CLSTN1: variants seen among roughly 807,000 people sequenced by gnomAD.
CLSTN1 encodes calsyntenin 1.
CLSTN1 carries 28 observed loss-of-function variants against 108.3 expected under a neutral mutation model. That is an observed-to-expected ratio of 0.26 (90% CI 0.19 to 0.35). The LOEUF (loss-of-function observed/expected upper bound fraction) is 0.35. Ranked by LOEUF, CLSTN1 falls within the 10% of genes least tolerant of loss-of-function variation. The pLI is 1.00. For synonymous variants in CLSTN1, 524 were observed against 534.9 expected, an observed-to-expected ratio of 0.98 and a Z score of 0.28; for missense variants, 1,157 against 1,302.6, an observed-to-expected ratio of 0.89 and a Z score of 1.72.
chr1:9,757,463 G>C (rs576183620), intron 2 of CLSTN1, among the ~76,000 whole-genome samples: 1 of 151,664 alleles, frequency 6.6e-6, no homozygotes, highest in African/African-American at 2.4e-5. Flanking sequence ...GGATGGTCTC[G>C]ATCTCCTGAC....
chr1:9,761,682 T>C (rs1382201696), intron 2 of CLSTN1, among the ~76,000 whole-genome samples: 2 of 152,164 alleles, frequency 1.3e-5, no homozygotes, highest in Non-Finnish European at 2.9e-5. Flanking sequence ...ACCCCAGCTT[T>C]AGGCTGGCCC....
At chr1:9,789,234 G>C (rs1340791802) in intron 1 of CLSTN1, among the ~76,000 whole-genome samples, 1 of 151,268 alleles carries the variant, frequency 6.6e-6, no homozygotes, top group African/African-American at 2.4e-5. Flanking sequence ...TAGGGTGATT[G>C]TATCTTTGTG....
At chr1:9,763,276 T>C (rs1286129064) in intron 2 of CLSTN1, among the ~76,000 whole-genome samples, 1 of 152,172 alleles carries the variant, frequency 6.6e-6, no homozygotes, top group Non-Finnish European at 1.5e-5. Flanking sequence ...ATACCTTAAA[T>C]ATATGTAACA....
rs548435175 is a variant in CLSTN1 at position 9,796,857 on chromosome 1, C to T, written c.92-23463G>A. 5.3e-5 allele frequency among the ~76,000 whole-genome samples: 8 copies of T among 152,212 alleles called. No homozygotes were observed. The South Asian group carries it at 1.0e-3, about 20-fold the overall frequency. ...CATTACATCAAATTTGAAAATAACA[C>T]GAAGCCAGAATGAACAGATGGAATG... is the stretch of plus-strand genomic sequence containing the variant. On this transcript the variant is annotated intron_variant, in intron 1 of 18. Transcript: ENST00000377298.
chr1:9,751,998 A>G (rs994677532), intron 4 of CLSTN1, among the ~76,000 whole-genome samples: 1 of 152,172 alleles, frequency 6.6e-6, no homozygotes, highest in Non-Finnish European at 1.5e-5. Flanking sequence ...GGGACAAGAC[A>G]GGCAGAAGGG....
At chr1:9,763,018 G>A (rs562847530) in intron 2 of CLSTN1, among the ~76,000 whole-genome samples, 1 of 152,174 alleles carries the variant, frequency 6.6e-6, no homozygotes, top group African/African-American at 2.4e-5. Context: ...CTGGAGTGCA[G>A]TGGCACAACC....
At chr1:9,815,828 C>T (rs1275305593) in intron 1 of CLSTN1, among the ~76,000 whole-genome samples, 8 of 152,038 alleles carry the variant, frequency 5.3e-5, no homozygotes, top group African/African-American at 9.7e-5. Flanking sequence ...CCCAGCTACT[C>T]GGGAGGCTGA....
intron 9 of CLSTN1, 115 bp downstream of exon 9, chr1:9,743,769 G>A: frequency 2.6e-6 from 3 of 1,156,520 alleles, no homozygotes; most frequent in South Asian, 2.9e-5. Context: ...TGTTGCCCAG[G>A]CTGGTCTCGA....
chr1:9,751,970 GT>G (rs911827044), intron 4 of CLSTN1, among the ~76,000 whole-genome samples: 2 of 150,900 alleles, frequency 1.3e-5, no homozygotes, highest in Non-Finnish European at 3.0e-5. Flanking sequence ...AGACTTGGGT[GT>G]TTTTTTTTGA....
At chr1:9,792,063 C>A (rs1653793540) in intron 1 of CLSTN1, among the ~76,000 whole-genome samples, 1 of 150,804 alleles carries the variant, frequency 6.6e-6, no homozygotes, top group Non-Finnish European at 1.5e-5. Context: ...GCAGGAGAAT[C>A]ATTTGCTACT....
chr1:9,821,712 T>C (rs1655197755), intron 1 of CLSTN1, among the ~76,000 whole-genome samples: 1 of 152,230 alleles, frequency 6.6e-6, no homozygotes, highest in Admixed American at 6.5e-5. Flanking sequence ...TGAAATTCAC[T>C]TGTAATATTT....
rs200033935 is a variant in CLSTN1 at position 9,735,142 on chromosome 1, G to C, written c.1916C>G (p.Pro639Arg). ...AACCATCACGTAGCCATCTACCGGG[G>C]GGACCGAAATGCAGGTGGCCTCGTT... ...CFNEATCISV[P>R]PVDGYVMVLQ... Residue 639 changes from proline (P) to arginine (R), a missense_variant, in exon 14 of 19, where the codon CCC becomes CGC. Transcript: ENST00000377298. 1 of 1,614,218 alleles carries C rather than the reference G, an allele frequency of 6.2e-7. No homozygotes were observed. Among genetic ancestry groups the C allele is most frequent in the East Asian group, 2.2e-5 (1 of 44,880 alleles).
Position 9,730,432 on chromosome 1 carries a change from G to A in CLSTN1, c.*76C>T, listed in dbSNP as rs117948097. On this transcript the variant is annotated 3_prime_UTR_variant, in exon 19 of 19. Coordinates refer to ENST00000377298, the MANE Select transcript of CLSTN1 (RefSeq NM_001009566.3). The surrounding 1 kb of genome is among the most constrained non-coding windows in gnomAD (Gnocchi z 5.6). ...ACTGGCCGAAATGACTTTGTACATC[G>A]TGGACCCTTGGGACTGGGAGAACGG... is the stretch of plus-strand genomic sequence containing the variant. 357 of 1,387,082 alleles carry A rather than the reference G, an allele frequency of 2.6e-4. No homozygotes were observed. Among genetic ancestry groups the A allele is most frequent in the East Asian group, 1.1e-3 (50 of 43,800 alleles). 85.9% of individuals were successfully genotyped at this position (1,387,082 alleles called of 1,614,324 possible).
Position 9,792,877 on chromosome 1 carries a change from G to C in CLSTN1, c.92-19483C>G, listed in dbSNP as rs1166163851. On this transcript the variant is annotated intron_variant, in intron 1 of 18. Coordinates refer to ENST00000377298, the MANE Select transcript of CLSTN1 (RefSeq NM_001009566.3). Reference sequence around the variant, plus strand: ...GTGAATGTTGAGTAGTCCTATTCCAGAGCTAAGTTTTGTGAAACGGAGTGA... The same window carrying C: ...GTGAATGTTGAGTAGTCCTATTCCACAGCTAAGTTTTGTGAAACGGAGTGA... Among the ~76,000 whole-genome samples the C allele has an allele frequency of 2.6e-5, 4 of 151,370 alleles. No individual in the cohort carries two copies. In the Admixed American group the frequency reaches 2.7e-4, roughly 10 times the overall value.
At position 9,733,396 on chromosome 1, in the gene CLSTN1, C is replaced by T; in HGVS notation, c.2427+5G>A. ...GGCCCTGCTCAGTGGGAGCCTTGTA[C>T]TCACCTCCACCTTAAATTCGTTGCT... On this transcript the variant is annotated splice_donor_5th_base_variant and intron_variant, in intron 16 of 18. Coordinates refer to ENST00000377298, the MANE Select transcript of CLSTN1 (RefSeq NM_001009566.3). The T allele has an allele frequency of 1.2e-6, 2 of 1,614,196 alleles. No homozygotes were observed. Among genetic ancestry groups the T allele is most frequent in the Non-Finnish European group, 8.5e-7 (1 of 1,180,036 alleles).
chr1:9,730,628 C>T lies in CLSTN1; in HGVS notation c.2826G>A (p.Glu942=), dbSNP rs1001902449. 1.9e-6 allele frequency: 3 copies of T among 1,610,464 alleles called. No homozygotes were observed. The African/African-American group carries it at 4.0e-5, about 22-fold the overall frequency. Residue 942 remains glutamate (E), a synonymous_variant, in exon 19 of 19, where the codon GAG becomes GAA. Transcript: ENST00000377298. The surrounding 1 kb of genome is among the most constrained non-coding windows in gnomAD (Gnocchi z 5.6). ...CCGACTCGGCGCTGGTGATGTCATC[C>T]TCTTCTTCGCCGTCCTCGCTTTCCT... ...EEEESEDGEE[E]DDITSAESES...
chr1:9,775,575 G>A (rs1392374009), intron 1 of CLSTN1, among the ~76,000 whole-genome samples: 2 of 151,824 alleles, frequency 1.3e-5, no homozygotes, highest in African/African-American at 2.4e-5. Context: ...ATCTCCACAC[G>A]CACACTGGGG....
intron 2 of CLSTN1, among the ~76,000 whole-genome samples, chr1:9,766,649 G>T (rs1020187870): frequency 1.3e-5 from 2 of 152,304 alleles, no homozygotes; most frequent in South Asian, 4.1e-4. Flanking sequence ...GACAGAGCGA[G>T]ACCCTGTCTC....
At chr1:9,810,489 T>A (rs1179375848) in intron 1 of CLSTN1, among the ~76,000 whole-genome samples, 1 of 145,482 alleles carries the variant, frequency 6.9e-6, no homozygotes, top group Non-Finnish European at 1.5e-5. Flanking sequence ...AATAAATAAA[T>A]AAAGACTGGG....
Sources: allele counts gnomAD v4.1 joint callset (sites outside exome capture counted in the v4.1 genomes callset), GRCh38; gene constraint gnomAD v4.1.1; non-coding constraint Gnocchi (gnomAD v3.1); transcripts MANE v1.5; gene names NCBI Gene and HGNC (gene_info 2026-07-23, HGNC 2026-07-21).